Variants in PDIA6 observed in about 807,000 individuals in gnomAD.
PDIA6 encodes protein disulfide-isomerase A6.
PDIA6 carries 29 observed loss-of-function variants against 58.4 expected under a neutral mutation model. That is an observed-to-expected ratio of 0.50 (90% CI 0.37 to 0.68). The LOEUF is 0.68. Ranked by LOEUF, PDIA6 falls within the 30% of genes least tolerant of loss-of-function variation. The probability of loss-of-function intolerance (pLI) is 0.00; values close to 1 mark genes in which losing one functional copy is unlikely to be tolerated. For missense variants in PDIA6, 480 were observed against 551.0 expected (o/e 0.87, Z 1.29); for synonymous variants, 192 against 202.6 (o/e 0.95, Z 0.44).
intron 1 of PDIA6, among the ~76,000 whole-genome samples, chr2:10,808,754 C>A (rs190741669): frequency 6.6e-6 from 1 of 152,150 alleles, no homozygotes; most frequent in Non-Finnish European, 1.5e-5. Context: ...CATGTGGCTA[C>A]CCCAAACTAA....
At chr2:10,811,880 T>A (rs1174778328) in intron 1 of PDIA6, among the ~76,000 whole-genome samples, 1 of 152,224 alleles carries the variant, frequency 6.6e-6, no homozygotes, top group Non-Finnish European at 1.5e-5. Context: ...CTAAGGGAAC[T>A]ATGGGTCCTT....
intron 4 of PDIA6, among the ~76,000 whole-genome samples, chr2:10,795,781 G>A (rs1666241596): frequency 6.6e-6 from 1 of 152,076 alleles, no homozygotes; most frequent in Admixed American, 6.6e-5. Context: ...CCTTCTATTA[G>A]CTGGACTCAG....
chr2:10,812,875 G>C, upstream of PDIA6: 1 of 1,155,996 alleles, frequency 8.7e-7, no homozygotes, highest in Non-Finnish European at 1.1e-6. Context: ...TCATTGGTCC[G>C]GGCGGACATC....
chr2:10,802,138 C>A (rs1375440598), intron 2 of PDIA6, among the ~76,000 whole-genome samples: 3 of 152,230 alleles, frequency 2.0e-5, no homozygotes, highest in Non-Finnish European at 4.4e-5. Context: ...GTTCTTCCAG[C>A]ATTGAATGTA....
chr2:10,832,292 G>A (rs1344711775), exon 1 of PDIA6: 2 of 486,356 alleles, frequency 4.1e-6, no homozygotes, highest in Non-Finnish European at 5.4e-6. Flanking sequence ...CCGCCCAAAT[G>A]CCCATCAGCA....
At chr2:10,811,125 G>A (rs1403203850) in intron 1 of PDIA6, among the ~76,000 whole-genome samples, 1 of 152,166 alleles carries the variant, frequency 6.6e-6, no homozygotes, top group African/African-American at 2.4e-5. Context: ...ATAGACTCAC[G>A]GACTCTTTCA....
chr2:10,816,581 T>C (rs1453501969), upstream of PDIA6, among the ~76,000 whole-genome samples: 1 of 149,006 alleles, frequency 6.7e-6, no homozygotes, highest in African/African-American at 2.5e-5. Context: ...ACCTCCCCAC[T>C]TTTAAAAATA....
chr2:10,819,440 T>C, intron 1 of PDIA6: 1 of 798,008 alleles, frequency 1.3e-6, no homozygotes. Flanking sequence ...GCTCCACGTA[T>C]TTACATCTGT....
At chr2:10,819,994 C>T (rs1306380832) in intron 1 of PDIA6, among the ~76,000 whole-genome samples, 1 of 152,198 alleles carries the variant, frequency 6.6e-6, no homozygotes, top group Non-Finnish European at 1.5e-5. Context: ...ATCCTCACAG[C>T]AGCCCTGCAG....
upstream of PDIA6, chr2:10,812,792 G>T: frequency 8.1e-7 from 1 of 1,237,338 alleles, no homozygotes. Context: ...TCCCGCCCCA[G>T]GCCAGTCCGG....
chr2:10,790,515 C>T lies in PDIA6; in HGVS notation c.699+204G>A, dbSNP rs149341705. Among the ~76,000 whole-genome samples the T allele has an allele frequency of 2.4e-3, 372 of 152,240 alleles. 2 individuals are homozygous for T. Among genetic ancestry groups the T allele is most frequent in the African/African-American group, 8.5e-3 (355 of 41,548 alleles). On this transcript the variant is annotated intron_variant, in intron 7 of 12. Transcript: ENST00000272227. ...CTGAAACCTCACATTAAGTATATAC[C>T]AGAAGCAGTGTGACATTAGGGGGAA...
chr2:10,813,108 C>T (rs1667081328), upstream of PDIA6, among the ~76,000 whole-genome samples: 1 of 152,028 alleles, frequency 6.6e-6, no homozygotes, highest in African/African-American at 2.4e-5. Flanking sequence ...CACCCCCCCA[C>T]CCCGCCTCCT....
chr2:10,834,427 T>C (rs1667778287), upstream of PDIA6, among the ~76,000 whole-genome samples: 1 of 146,304 alleles, frequency 6.8e-6, no homozygotes, highest in Non-Finnish European at 1.5e-5. Context: ...CCCTCCCTCC[T>C]TCCACGGAGG....
At chr2:10,806,790 C>T (rs1039233170) in intron 1 of PDIA6, among the ~76,000 whole-genome samples, 1 of 151,884 alleles carries the variant, frequency 6.6e-6, no homozygotes, top group Admixed American at 6.6e-5. Flanking sequence ...TTTTACTGCA[C>T]CCTTTCTATG....
Position 10,788,586 on chromosome 2 carries a change from A to G in PDIA6, c.998+111T>C, listed in dbSNP as rs540375842. On this transcript the variant is annotated intron_variant, in intron 10 of 12. Transcript: ENST00000272227. ...CAGGAGGGAAAAAAAAAAAAAACAT[A>G]TAGCAGAGCAAACATAGAACACAGC... The G allele has an allele frequency of 2.6e-4, 195 of 751,406 alleles. No homozygotes were observed. The African/African-American group carries it at 3.0e-3, about 12-fold the overall frequency. The allele number at this position is 751,406 out of a possible 1,614,324, so 46.5% of individuals were successfully genotyped here.
intron 1 of PDIA6, among the ~76,000 whole-genome samples, chr2:10,828,911 C>T (rs1211417730): frequency 6.6e-6 from 1 of 152,146 alleles, no homozygotes; most frequent in Admixed American, 6.5e-5. Context: ...TCCTTGCCTG[C>T]TAGGGTGCCC....
intron 1 of PDIA6, chr2:10,820,854 T>C (rs1667363934): frequency 2.8e-6 from 2 of 702,536 alleles, no homozygotes; most frequent in Non-Finnish European, 5.2e-6. Flanking sequence ...CTCCCGGAGG[T>C]CTCTTCTCAT....
At chr2:10,815,293 G>A (rs80159174), upstream of PDIA6, among the ~76,000 whole-genome samples, 11,186 of 152,192 alleles carry the variant, frequency 0.073, 572 homozygotes, top group South Asian at 0.13. Context: ...ACGAGCAACT[G>A]TCTCAGGCAC....
upstream of PDIA6, among the ~76,000 whole-genome samples, chr2:10,816,171 C>T (rs1667187619): frequency 7.2e-6 from 1 of 138,406 alleles, no homozygotes; most frequent in South Asian, 2.4e-4. Flanking sequence ...CAACCTTTGC[C>T]TCCCGGGTTC....
Sources: gnomAD v4.1 joint callset for allele counts (sites outside exome capture counted in the v4.1 genomes callset) on GRCh38, gnomAD v4.1.1 for gene constraint, MANE v1.5 for transcripts, NCBI Gene and HGNC (gene_info 2026-07-23, HGNC 2026-07-21) for gene names.